MYO5A: variants seen among roughly 807,000 people sequenced by gnomAD.
MYO5A encodes unconventional myosin-Va.
A neutral mutation model predicts 249.7 loss-of-function variants in MYO5A; 98 were observed. The observed-to-expected ratio is 0.39, with a 90% CI of 0.33 to 0.46. The LOEUF (loss-of-function observed/expected upper bound fraction) is 0.46. Ranked by LOEUF, MYO5A falls within the 20% of genes least tolerant of loss-of-function variation. The pLI is 0.98. For synonymous variants in MYO5A, 778 were observed against 810.6 expected (o/e 0.96, Z 0.68); for missense variants, 1,696 against 2,308.8 (o/e 0.73, Z 5.44).
chr15:52,513,824 G>C (rs1024720158), intron 1 of MYO5A, among the ~76,000 whole-genome samples: 2 of 152,212 alleles, frequency 1.3e-5, no homozygotes, highest in Non-Finnish European at 1.5e-5. Flanking sequence ...AGCATGTTGA[G>C]ATCTCTGACA....
intron 4 of MYO5A, among the ~76,000 whole-genome samples, chr15:52,423,568 A>G (rs2075331424): frequency 6.6e-6 from 1 of 151,300 alleles, no homozygotes; most frequent in African/African-American, 2.4e-5. Flanking sequence ...AAAAAAAAAG[A>G]AAACAATGGC....
intron 1 of MYO5A, among the ~76,000 whole-genome samples, chr15:52,452,228 G>T (rs1490124917): frequency 2.6e-5 from 4 of 151,850 alleles, no homozygotes; most frequent in Admixed American, 1.3e-4. Flanking sequence ...GGGCCACAGA[G>T]AAGTATTAAA....
chr15:52,488,152 G>A (rs2076863062), intron 1 of MYO5A, among the ~76,000 whole-genome samples: 1 of 151,694 alleles, frequency 6.6e-6, no homozygotes, highest in South Asian at 2.1e-4. Flanking sequence ...TTATGGATGA[G>A]GTGAATGCTT....
chr15:52,429,716 C>G (rs1403000240), intron 2 of MYO5A, among the ~76,000 whole-genome samples: 2 of 151,818 alleles, frequency 1.3e-5, no homozygotes, highest in Admixed American at 1.3e-4. Context: ...CAAAACAAAA[C>G]AAAACAAACG....
chr15:52,509,111 A>G (rs1354638464), intron 1 of MYO5A, among the ~76,000 whole-genome samples: 1 of 152,008 alleles, frequency 6.6e-6, no homozygotes, highest in Non-Finnish European at 1.5e-5. Flanking sequence ...AACTGGGACT[A>G]TGGGCATGTG....
At chr15:52,407,952 A>C in intron 7 of MYO5A, 107 bp downstream of exon 7, 1 of 787,832 alleles carries the variant, frequency 1.3e-6, no homozygotes, top group East Asian at 2.5e-5. Flanking sequence ...CATATTATCC[A>C]TAAGTATTCC....
At chr15:52,372,096 A>C in intron 21 of MYO5A, 28 bp downstream of exon 21, 1 of 1,612,770 alleles carries the variant, frequency 6.2e-7, no homozygotes, top group East Asian at 2.2e-5. Flanking sequence ...GGCATACTCC[A>C]CTCTCAGGGC....
intron 1 of MYO5A, 58 bp downstream of exon 1, chr15:52,528,722 A>T (rs368285169): frequency 6.8e-7 from 1 of 1,480,938 alleles, no homozygotes; most frequent in Non-Finnish European, 8.9e-7. Flanking sequence ...CCAGCCTGAC[A>T]GCTGGCGGCG....
intron 1 of MYO5A, among the ~76,000 whole-genome samples, chr15:52,462,847 GA>G (rs35037994): frequency 0.061 from 8,295 of 137,076 alleles, 286 homozygotes; most frequent in South Asian, 0.15. Context: ...ATCCGTCTTG[GA>G]AAAAAAAAAA....
chr15:52,380,608 A>C (rs1022932276), intron 16 of MYO5A, among the ~76,000 whole-genome samples: 1 of 151,514 alleles, frequency 6.6e-6, no homozygotes, highest in Non-Finnish European at 1.5e-5. Flanking sequence ...CTCTACAAAA[A>C]ATACAAAAAT....
intron 25 of MYO5A, among the ~76,000 whole-genome samples, chr15:52,355,103 T>C (rs932854919): frequency 6.6e-6 from 1 of 152,222 alleles, no homozygotes; most frequent in African/African-American, 2.4e-5. Flanking sequence ...ATTCCCATAT[T>C]TAAATTGTTT....
Position 52,446,251 on chromosome 15 carries a change from G to A in MYO5A, c.28-12966C>T, listed in dbSNP as rs369813226. On this transcript the variant is annotated intron_variant, in intron 1 of 41. Transcript: ENST00000399233. The stretch of plus-strand genomic sequence containing the variant: ...ACAGCCTCAGAGCTCTGCTTCCTGC[G>A]TGCTGGCTGCTCCAGCTCCAGCTCC... Among the ~76,000 whole-genome samples the A allele has an allele frequency of 4.2e-4, 64 of 152,312 alleles. 1 individual carries two copies. In the South Asian group the frequency reaches 7.5e-3, roughly 18 times the overall value.
chr15:52,353,455 A>G (rs1209690754), intron 27 of MYO5A, 150 bp downstream of exon 27: 1 of 702,586 alleles, frequency 1.4e-6, no homozygotes, highest in African/African-American at 1.8e-5. Context: ...AAAAGAAACA[A>G]CACAAGAAGT....
At chr15:52,504,288 T>A (rs1174307985) in intron 1 of MYO5A, among the ~76,000 whole-genome samples, 1 of 152,134 alleles carries the variant, frequency 6.6e-6, no homozygotes, top group Non-Finnish European at 1.5e-5. Context: ...GCCTCTGTCA[T>A]GTTCAGGTTT....
At chr15:52,416,493 A>AT (rs1385395065) in intron 4 of MYO5A, among the ~76,000 whole-genome samples, 192 bp from the exon 5 acceptor site, 10 of 143,176 alleles carry the variant, frequency 7.0e-5, no homozygotes, top group South Asian at 2.2e-4. Flanking sequence ...ATATATATAT[A>AT]TTTTTTTTAA....
intron 31 of MYO5A, 52 bp downstream of exon 31, chr15:52,343,065 G>T: frequency 6.1e-6 from 9 of 1,470,932 alleles, no homozygotes; most frequent in Non-Finnish European, 8.6e-6. Flanking sequence ...GTCACTGTTA[G>T]TAAGAAAAAC....
At chr15:52,331,959 T>C (rs747090691) in intron 34 of MYO5A, 46 of 779,360 alleles carry the variant, frequency 5.9e-5, no homozygotes, top group Non-Finnish European at 6.9e-5. Context: ...TATTCTTCCA[T>C]GCAAGAGAAA....
intron 4 of MYO5A, among the ~76,000 whole-genome samples, chr15:52,424,542 T>C (rs1173910915): frequency 3.3e-5 from 5 of 152,172 alleles, no homozygotes; most frequent in Admixed American, 6.5e-5. Context: ...CATATTAATA[T>C]TATTTTATTA....
intron 6 of MYO5A, 73 bp from the exon 7 acceptor site, chr15:52,408,213 T>G (rs186099011): frequency 1.2e-6 from 1 of 853,110 alleles, no homozygotes; most frequent in Non-Finnish European, 1.9e-6. Flanking sequence ...TAAAATAAGA[T>G]TTTAATATTT....
Sources: allele counts gnomAD v4.1 joint callset (sites outside exome capture counted in the v4.1 genomes callset), GRCh38; gene constraint gnomAD v4.1.1; transcripts MANE v1.5; gene names NCBI Gene and HGNC (gene_info 2026-07-23, HGNC 2026-07-21).